The following MAP7 variants were observed in gnomAD, a reference collection of about 807,000 sequenced individuals.
The protein encoded by MAP7 is ensconsin.
A neutral mutation model predicts 94.8 loss-of-function variants in MAP7; 52 were observed. The ratio of observed to expected loss-of-function variants is 0.55; its 90% CI spans 0.44 to 0.69. The LOEUF is 0.69. Among genes scored for constraint, MAP7 ranks in the 30% least tolerant of loss-of-function variants. The pLI, the probability that MAP7 is intolerant of heterozygous loss-of-function variation, is 0.00. For missense variants in MAP7, 940 were observed against 964.6 expected (o/e 0.97, Z 0.34); for synonymous variants, 350 against 357.0 (o/e 0.98, Z 0.22).
chr6:136,466,609 A>G (rs1807174930), intron 1 of MAP7, among the ~76,000 whole-genome samples: 1 of 151,966 alleles, frequency 6.6e-6, no homozygotes, highest in African/African-American at 2.4e-5. Flanking sequence ...GGACATTAAA[A>G]CAATGATTAA....
chr6:136,437,048 T>C (rs1796560204), intron 1 of MAP7, among the ~76,000 whole-genome samples: 1 of 152,208 alleles, frequency 6.6e-6, no homozygotes, highest in African/African-American at 2.4e-5. Context: ...CCTGTGGGCA[T>C]CATCGGCCAC....
intron 3 of MAP7, among the ~76,000 whole-genome samples, chr6:136,407,950 G>C (rs183413072): frequency 4.3e-4 from 65 of 152,272 alleles, no homozygotes; most frequent in African/African-American, 1.5e-3. Flanking sequence ...GTCAGTTTTG[G>C]AGTGAAAGAA....
chr6:136,544,436 T>C (rs985724710), intron 1 of MAP7, among the ~76,000 whole-genome samples: 3 of 152,204 alleles, frequency 2.0e-5, no homozygotes, highest in African/African-American at 7.2e-5. Flanking sequence ...CAGTGACTAT[T>C]TGTAACCAAA....
intron 15 of MAP7, 101 bp downstream of exon 15, chr6:136,359,719 G>C (rs1001810562): frequency 2.1e-5 from 23 of 1,113,902 alleles, no homozygotes; most frequent in Admixed American, 1.9e-4. Flanking sequence ...TGTAAGCACT[G>C]GATCTTTTTT....
At chr6:136,496,777 TAA>T (rs1171059105) in intron 1 of MAP7, among the ~76,000 whole-genome samples, 977 of 53,298 alleles carry the variant, frequency 0.018, 37 homozygotes, top group East Asian at 0.17. Context: ...CCGTCTCTAC[TAA>T]AAAAAAAAAA....
rs774521063 is a variant in MAP7 at position 136,389,515 on chromosome 6, C to T, written c.247G>A (p.Ala83Thr). 6.2e-7 allele frequency: 1 copy of T among 1,603,750 alleles called. No homozygotes were observed. Residue 83 changes from alanine (A) to threonine (T), a missense_variant and splice_region_variant, in exon 4 of 18, where the codon GCA becomes ACA. Physicochemically the swap from Ala to Thr is moderately conservative, Grantham distance 58. Transcript: ENST00000354570. ...RREEREKQLA[A>T]REIVWLEREE... ...CTTTCTAACCACACTATTTCTCTTG[C>T]AGCTTTGGGGAGGGTTAAAAAAAAA...
intron 1 of MAP7, among the ~76,000 whole-genome samples, chr6:136,488,001 G>A (rs184490810): frequency 3.9e-5 from 6 of 152,236 alleles, no homozygotes; most frequent in East Asian, 1.9e-4. Flanking sequence ...GCGAAAGGGC[G>A]GCTTATGCTT....
chr6:136,352,612 T>G (rs3799405), intron 16 of MAP7, among the ~76,000 whole-genome samples: 1 of 152,216 alleles, frequency 6.6e-6, no homozygotes, highest in African/African-American at 2.4e-5. Flanking sequence ...ATCCGAATGA[T>G]AGTTATTCTT....
intron 1 of MAP7, among the ~76,000 whole-genome samples, chr6:136,514,604 A>G (rs1226503090): frequency 1.3e-5 from 2 of 150,930 alleles, no homozygotes; most frequent in Non-Finnish European, 3.0e-5. Context: ...AAAAAAAAAA[A>G]AAAGAAAACA....
intron 1 of MAP7, among the ~76,000 whole-genome samples, chr6:136,449,940 G>A (rs892403988): frequency 6.6e-6 from 1 of 152,214 alleles, no homozygotes; most frequent in South Asian, 2.1e-4. Context: ...TGTAATCCCA[G>A]CACTTTGGGA....
In MAP7 at chr6:136,404,888, G is replaced by C. The variant is rs562426561; in HGVS notation, c.244+6732C>G. 6.6e-5 allele frequency among the ~76,000 whole-genome samples: 10 copies of C among 152,242 alleles called. No homozygotes were observed. The East Asian group carries it at 1.3e-3, about 21-fold the overall frequency. ...TTGTCGACATATTGTAGAACTATTAGTTTTATAATATATGAAGAGGAAAAT... is the reference window on the plus strand; with the variant it reads ...TTGTCGACATATTGTAGAACTATTACTTTTATAATATATGAAGAGGAAAAT... On this transcript the variant is annotated intron_variant, in intron 3 of 17. Coordinates refer to ENST00000354570, the MANE Select transcript of MAP7 (RefSeq NM_003980.6).
rs184615740 is a variant in MAP7, at chr6:136,473,104, C to T, written c.68-51305G>A. On this transcript the variant is annotated intron_variant, in intron 1 of 17. Coordinates refer to ENST00000354570, the MANE Select transcript of MAP7 (RefSeq NM_003980.6). ...TTTCCACCTGAAATGTCTCTTCAAT[C>T]ACCTCTGTTAAATCTTCCAAACACA... Among the ~76,000 whole-genome samples, 4 of 152,310 alleles carry T rather than the reference C, an allele frequency of 2.6e-5. No individual in the cohort carries two copies. In the East Asian group the frequency reaches 7.7e-4, roughly 29 times the overall value.
Position 136,550,375 on chromosome 6 carries a change from T to C in MAP7, c.34A>G (p.Arg12Gly). The C allele has an allele frequency of 1.3e-6, 2 of 1,529,762 alleles. No homozygotes were observed. The highest frequency in any genetic ancestry group is 2.7e-5 in the East Asian group (1 of 36,886). 94.8% of individuals were successfully genotyped at this position (1,529,762 alleles called of 1,614,324 possible). Residue 12 changes from arginine to glycine, a missense_variant, in exon 1 of 18, where the codon AGG (arginine) becomes GGG (glycine). Arg to Gly is a moderately radical substitution (Grantham distance 125). Transcript: ENST00000354570. The surrounding 1 kb of genome is among the most constrained non-coding windows in gnomAD (Gnocchi z 5.1). ...AELGAGGDGH[R>G]GGDGAVRSET... The stretch of plus-strand genomic sequence containing the variant: ...CTTCGCACTGCGCCGTCGCCGCCCC[T>C]GTGGCCGTCGCCGCCAGCTCCTAGC...
intron 8 of MAP7, among the ~76,000 whole-genome samples, chr6:136,370,739 G>A (rs1257101945): frequency 6.6e-6 from 1 of 152,058 alleles, no homozygotes. Context: ...TAAAACAGTG[G>A]CTGCCAGGGC....
At chr6:136,516,975 C>CA (rs397770361) in intron 1 of MAP7, among the ~76,000 whole-genome samples, 46,615 of 140,114 alleles carry the variant, frequency 0.33, 11,250 homozygotes, top group African/African-American at 0.69. Context: ...AAAACCCTTG[C>CA]AAAAAAAAAA....
chr6:136,369,339 C>T (rs1014856445), intron 8 of MAP7, among the ~76,000 whole-genome samples: 29 of 152,192 alleles, frequency 1.9e-4, no homozygotes, highest in African/African-American at 5.1e-4. Flanking sequence ...TTGGGGAGGC[C>T]GAGATGGGTG....
intron 3 of MAP7, among the ~76,000 whole-genome samples, chr6:136,400,389 C>A: frequency 6.8e-6 from 1 of 148,100 alleles, no homozygotes. Flanking sequence ...GCACTCCAGC[C>A]TGGGCAACAG....
intron 1 of MAP7, among the ~76,000 whole-genome samples, chr6:136,453,076 T>C (rs979075707): frequency 6.6e-6 from 1 of 152,208 alleles, no homozygotes; most frequent in Admixed American, 6.5e-5. Flanking sequence ...TAGGCATCTC[T>C]CATGAATACG....
chr6:136,461,035 T>G (rs956433875), intron 1 of MAP7, among the ~76,000 whole-genome samples: 2 of 152,168 alleles, frequency 1.3e-5, no homozygotes, highest in Non-Finnish European at 2.9e-5. Context: ...CTGACACAAT[T>G]AAGAATTTCT....
Sources: gnomAD v4.1 joint callset for allele counts (sites outside exome capture counted in the v4.1 genomes callset) on GRCh38, gnomAD v4.1.1 for gene constraint, Gnocchi (gnomAD v3.1) non-coding constraint, MANE v1.5 for transcripts, NCBI Gene and HGNC (gene_info 2026-07-23, HGNC 2026-07-21) for gene names.